The following CTNND2 variants were observed in gnomAD, a reference collection of about 807,000 sequenced individuals.
CTNND2 encodes the protein catenin delta 2, also known as catenin delta-2.
CTNND2 carries 22 observed loss-of-function variants against 144.4 expected under a neutral mutation model. That is an observed-to-expected ratio of 0.15 (90% confidence interval 0.11 to 0.22). The LOEUF is 0.22. Ranked by LOEUF, CTNND2 falls within the 10% of genes least tolerant of loss-of-function variation. The pLI, the probability that CTNND2 is intolerant of heterozygous loss-of-function variation, is 1.00. For missense variants in CTNND2, 1,353 were observed against 1,618.8 expected, an observed-to-expected ratio of 0.84 and a Z score of 2.82; for synonymous variants, 751 against 695.6, an observed-to-expected ratio of 1.08 and a Z score of -1.25.
intron 1 of CTNND2, among the ~76,000 whole-genome samples, chr5:11,738,703 G>C (rs1488819246): frequency 6.6e-6 from 1 of 152,168 alleles, no homozygotes; most frequent in Non-Finnish European, 1.5e-5. Context: ...AACTGATGAT[G>C]TCTGTATCAC....
intron 3 of CTNND2, among the ~76,000 whole-genome samples, chr5:11,428,937 A>G: frequency 6.6e-6 from 1 of 152,354 alleles, no homozygotes. Context: ...TACTTTAAGA[A>G]CATATCATGG....
At chr5:11,682,691 C>A (rs1003931649) in intron 2 of CTNND2, among the ~76,000 whole-genome samples, 1 of 152,062 alleles carries the variant, frequency 6.6e-6, no homozygotes, top group Non-Finnish European at 1.5e-5. Flanking sequence ...AATTGCAATA[C>A]AGAAAATTAC....
intron 2 of CTNND2, among the ~76,000 whole-genome samples, chr5:11,651,507 G>A (rs1388343865): frequency 1.3e-5 from 2 of 152,238 alleles, no homozygotes; most frequent in Non-Finnish European, 2.9e-5. Flanking sequence ...GGAGCTGTGA[G>A]ATAAGGGCTA....
chr5:11,516,860 A>T (rs1322019291), intron 3 of CTNND2, among the ~76,000 whole-genome samples: 1 of 152,186 alleles, frequency 6.6e-6, no homozygotes, highest in African/African-American at 2.4e-5. Context: ...ATGCAAGGAC[A>T]CAGAAAAGCT....
chr5:11,898,616 C>G (rs1737598085), intron 1 of CTNND2, among the ~76,000 whole-genome samples: 1 of 152,124 alleles, frequency 6.6e-6, no homozygotes, highest in Non-Finnish European at 1.5e-5. Flanking sequence ...AGTAACATTT[C>G]TGTATCATTC....
At chr5:11,086,888 T>C (rs1750212331) in intron 15 of CTNND2, among the ~76,000 whole-genome samples, 1 of 152,224 alleles carries the variant, frequency 6.6e-6, no homozygotes, top group Non-Finnish European at 1.5e-5. Context: ...AACTAGCTTT[T>C]CCTCATTGAA....
intron 1 of CTNND2, among the ~76,000 whole-genome samples, chr5:11,770,938 A>T (rs945381250): frequency 1.2e-4 from 18 of 152,130 alleles, no homozygotes; most frequent in African/African-American, 4.3e-4. Context: ...TCTGATACTC[A>T]GCTATGTTCC....
intron 3 of CTNND2, among the ~76,000 whole-genome samples, chr5:11,415,793 C>T (rs1561359577): frequency 6.6e-6 from 1 of 152,024 alleles, no homozygotes; most frequent in Non-Finnish European, 1.5e-5. Flanking sequence ...CTCCCTTGCA[C>T]ATAGATGGGG....
chr5:11,257,960 T>C (rs1191529045), intron 9 of CTNND2, among the ~76,000 whole-genome samples: 1 of 152,210 alleles, frequency 6.6e-6, no homozygotes, highest in Non-Finnish European at 1.5e-5. Context: ...CCAAGCCCTC[T>C]TCCATCGGGG....
At chr5:11,500,424 C>T (rs1178903317) in intron 3 of CTNND2, among the ~76,000 whole-genome samples, 1 of 152,070 alleles carries the variant, frequency 6.6e-6, no homozygotes, top group African/African-American at 2.4e-5. Flanking sequence ...TAATATAAAT[C>T]AAAATGTTCT....
intron 1 of CTNND2, among the ~76,000 whole-genome samples, chr5:11,744,405 C>T (rs1788187962): frequency 6.6e-6 from 1 of 152,120 alleles, no homozygotes; most frequent in African/African-American, 2.4e-5. Flanking sequence ...TGACAGATCT[C>T]TCAACAGCAA....
chr5:11,082,144 A>AT (rs1462079857), intron 16 of CTNND2, among the ~76,000 whole-genome samples: 6 of 152,136 alleles, frequency 3.9e-5, no homozygotes, highest in African/African-American at 1.2e-4. Context: ...TATTGATTTA[A>AT]TCTCTGGGCC....
chr5:11,643,866 T>G (rs879606228), intron 2 of CTNND2, among the ~76,000 whole-genome samples: 1 of 152,314 alleles, frequency 6.6e-6, no homozygotes, highest in Admixed American at 6.5e-5. Flanking sequence ...ATACATGAAG[T>G]AAAACGAAAG....
chr5:11,330,340 C>T (rs1316428244), intron 9 of CTNND2, among the ~76,000 whole-genome samples: 11 of 140,290 alleles, frequency 7.8e-5, no homozygotes, highest in South Asian at 6.9e-4. Context: ...AAAAATTAGC[C>T]GGGCGTGGTG....
intron 1 of CTNND2, among the ~76,000 whole-genome samples, chr5:11,835,534 G>A (rs1794130507): frequency 6.6e-6 from 1 of 152,092 alleles, no homozygotes; most frequent in Non-Finnish European, 1.5e-5. Flanking sequence ...TTTAATGTTA[G>A]TGTTGGTAGT....
chr5:10,986,254 A>G (rs927058374), intron 20 of CTNND2, among the ~76,000 whole-genome samples: 1 of 152,242 alleles, frequency 6.6e-6, no homozygotes, highest in African/African-American at 2.4e-5. Flanking sequence ...TTTTGAGTCC[A>G]GGGCACAATT....
At chr5:11,702,436 T>G (rs1343138280) in intron 2 of CTNND2, among the ~76,000 whole-genome samples, 1 of 152,198 alleles carries the variant, frequency 6.6e-6, no homozygotes, top group Non-Finnish European at 1.5e-5. Context: ...GCTCAGACAG[T>G]TCTTGTTTTA....
intron 16 of CTNND2, among the ~76,000 whole-genome samples, chr5:11,047,278 G>A (rs913848502): frequency 2.0e-5 from 3 of 152,156 alleles, no homozygotes; most frequent in Admixed American, 6.5e-5. Flanking sequence ...CACAGGAAGC[G>A]GGACTGGGCA....
chr5:11,146,533 T>G (rs910547342), intron 12 of CTNND2, among the ~76,000 whole-genome samples: 1 of 152,224 alleles, frequency 6.6e-6, no homozygotes, highest in African/African-American at 2.4e-5. Context: ...TAATATATCA[T>G]TTATGATGCT....
Sources: gnomAD v4.1 joint callset for allele counts (sites outside exome capture counted in the v4.1 genomes callset) on GRCh38, gnomAD v4.1.1 for gene constraint, MANE v1.5 for transcripts, NCBI Gene and HGNC (gene_info 2026-07-23, HGNC 2026-07-21) for gene names.